The following NFRKB variants were observed in gnomAD, a reference collection of about 807,000 sequenced individuals.
The protein encoded by NFRKB is nuclear factor related to kappaB binding protein.
Under a neutral mutation model 135.7 loss-of-function variants are expected in NFRKB, and 62 were observed. The observed-to-expected ratio is 0.46, with a 90% CI of 0.37 to 0.56. The LOEUF (loss-of-function observed/expected upper bound fraction) is 0.56, where lower values mean the gene tolerates loss of function less well. Ranked by LOEUF, NFRKB falls within the 20% of genes least tolerant of loss-of-function variation. The probability of loss-of-function intolerance (pLI) is 0.00; values close to 1 mark genes in which losing one functional copy is unlikely to be tolerated. For missense variants in NFRKB, 1,545 were observed against 1,662.0 expected (o/e 0.93, Z 1.22); for synonymous variants, 678 against 635.6 (o/e 1.07, Z -1.00).
chr11:129,873,466 A>G (rs1948613436), intron 22 of NFRKB, among the ~76,000 whole-genome samples: 1 of 152,190 alleles, frequency 6.6e-6, no homozygotes, highest in Non-Finnish European at 1.5e-5. Flanking sequence ...GCAGACTCAC[A>G]AGGTCCGCAT....
intron 8 of NFRKB, among the ~76,000 whole-genome samples, chr11:129,883,728 T>C (rs1464411693): frequency 6.6e-6 from 1 of 152,192 alleles, no homozygotes; most frequent in Non-Finnish European, 1.5e-5. Context: ...CAGTAAAAAG[T>C]GGGACAAACC....
At chr11:129,883,786 AC>A (rs1949139095) in intron 8 of NFRKB, among the ~76,000 whole-genome samples, 1 of 152,144 alleles carries the variant, frequency 6.6e-6, no homozygotes, top group African/African-American at 2.4e-5. Flanking sequence ...AGGACCAAGG[AC>A]AAGCTCCCTA....
Position 129,888,643 on chromosome 11 carries a change from C to G in NFRKB, c.288G>C (p.Glu96Asp), listed in dbSNP as rs1399440086. The G allele has an allele frequency of 6.2e-7, 1 of 1,614,052 alleles. No individual in the cohort carries two copies. Among genetic ancestry groups the G allele is most frequent in the East Asian group, 2.2e-5 (1 of 44,892 alleles). Residue 96 changes from glutamate (E) to aspartate (D), a missense_variant, in exon 4 of 27, where the codon GAG becomes GAC. Glu to Asp is a conservative substitution (Grantham distance 45). Coordinates refer to ENST00000682444, the MANE Select transcript of NFRKB (RefSeq NM_001143835.2). ...NELILALFSG[E>D]NFRFGNPLHI... is the part of the protein sequence containing the mutation. The stretch of plus-strand genomic sequence containing the variant: ...GCAGAGGGTTTCCAAAGCGGAAGTT[C>G]TCCCCACTGAACAAGGCTAAGATGA...
At chr11:129,867,787 C>T (rs1218022239) in intron 24 of NFRKB, among the ~76,000 whole-genome samples, 1 of 152,152 alleles carries the variant, frequency 6.6e-6, no homozygotes, top group Non-Finnish European at 1.5e-5. Flanking sequence ...CATACACACC[C>T]CTCTTCTGAA....
At chr11:129,882,263 C>A in intron 10 of NFRKB, 69 bp from the exon 11 acceptor site, 1 of 1,427,128 alleles carries the variant, frequency 7.0e-7, no homozygotes, top group East Asian at 2.3e-5. Context: ...TTCAGGCGCC[C>A]AAGCCTCCTA....
Position 129,886,429 on chromosome 11 carries a change from G to T in NFRKB, c.353C>A (p.Pro118His). The T allele has an allele frequency of 6.2e-7, 1 of 1,613,674 alleles. No individual in the cohort carries two copies. Among genetic ancestry groups the T allele is most frequent in the African/African-American group, 1.3e-5 (1 of 74,930 alleles). The change falls in exon 5 of 27, where the codon CCC (proline) becomes CAC (histidine). Residue 118 changes from proline (P) to histidine (H), a missense_variant. Transcript: ENST00000682444. ...TAACTGCCGGTACTTGACCACCTCGGGGTTAAAGTGTCCGTCTTAAAAAAA... is the reference window on the plus strand; with the variant it reads ...TAACTGCCGGTACTTGACCACCTCGTGGTTAAAGTGTCCGTCTTAAAAAAA... ...QKLFRDGHFN[P>H]EVVKYRQLCF...
At chr11:129,871,017 G>A (rs925343503) in intron 23 of NFRKB, among the ~76,000 whole-genome samples, 10 of 152,120 alleles carry the variant, frequency 6.6e-5, no homozygotes, top group Admixed American at 1.3e-4. Flanking sequence ...TGGTATGTGC[G>A]AGAGACTGGT....
At chr11:129,876,940 G>C in intron 16 of NFRKB, 45 bp from the exon 17 acceptor site, 3 of 1,570,826 alleles carry the variant, frequency 1.9e-6, no homozygotes, top group Non-Finnish European at 2.6e-6. Context: ...GAATTAGTGG[G>C]GTTCTCTCTC....
chr11:129,869,897 T>C lies in NFRKB; in HGVS notation c.3128A>G (p.Lys1043Arg), dbSNP rs140959296. ...TGTTGGCTTGAGGTCAGGAGTCACTTTGACCACAGTGGTACCTGTTGGAGT... is the reference window on the plus strand; with the variant it reads ...TGTTGGCTTGAGGTCAGGAGTCACTCTGACCACAGTGGTACCTGTTGGAGT... ...SSTPTGTTVVKVTPDLKPTEA... is the reference protein window; with the variant it reads ...SSTPTGTTVVRVTPDLKPTEA... The change falls in exon 24 of 27, where the codon AAA (lysine) becomes AGA (arginine). Residue 1043 changes from lysine to arginine, a missense_variant. Physicochemically the swap from Lys to Arg is conservative, Grantham distance 26. This residue lies in a region of NFRKB where 753 missense variants were observed against 804.3 expected (regional missense o/e 0.94). Coordinates refer to ENST00000682444, the MANE Select transcript of NFRKB (RefSeq NM_001143835.2). The C allele has an allele frequency of 1.4e-4, 231 of 1,614,256 alleles. No individual in the cohort carries two copies. In the African/African-American group the frequency reaches 2.5e-3, roughly 18 times the overall value.
chr11:129,884,687 G>A, intron 7 of NFRKB, 58 bp downstream of exon 7: 1 of 1,598,204 alleles, frequency 6.3e-7, no homozygotes, highest in Non-Finnish European at 8.6e-7. Flanking sequence ...CTCTAAAGGA[G>A]TTTTCAGGTC....
Position 129,874,635 on chromosome 11 carries a change from G to C in NFRKB, c.1979-55C>G. On this transcript the variant is annotated intron_variant, in intron 19 of 26. Transcript: ENST00000682444. This position sits in a 1 kb window ranked among gnomAD's most constrained non-coding sequence, Gnocchi z 4.5. ...GAGTTTAACCTTAGCAAACTAAAAA[G>C]AGGGGCTTTGTTAAAAACCAACACC... 6.2e-7 allele frequency: 1 copy of C among 1,607,568 alleles called. No homozygotes were observed. The highest frequency in any genetic ancestry group is 8.5e-7 in the Non-Finnish European group (1 of 1,176,770).
intron 9 of NFRKB, 28 bp downstream of exon 9, chr11:129,883,094 A>C: frequency 6.2e-7 from 1 of 1,604,366 alleles, no homozygotes; most frequent in Non-Finnish European, 8.5e-7. Flanking sequence ...AGTCAGATGA[A>C]GGCTCCTAGA....
In NFRKB at chr11:129,874,615, T is replaced by C; in HGVS notation, c.1979-35A>G. 6.2e-7 allele frequency: 1 copy of C among 1,610,646 alleles called. No individual in the cohort carries two copies. Among genetic ancestry groups the C allele is most frequent in the Non-Finnish European group, 8.5e-7 (1 of 1,178,686 alleles). The stretch of plus-strand genomic sequence containing the variant: ...AGAGGGGCAAGCTTCAGCCAGAGTT[T>C]AACCTTAGCAAACTAAAAAGAGGGG... On this transcript the variant is annotated intron_variant, in intron 19 of 26. Coordinates refer to ENST00000682444, the MANE Select transcript of NFRKB (RefSeq NM_001143835.2). The surrounding 1 kb of genome is among the most constrained non-coding windows in gnomAD (Gnocchi z 4.5).
In NFRKB at chr11:129,882,537, G is replaced by C; in HGVS notation, c.996C>G (p.Asp332Glu). Residue 332 changes from aspartate (D) to glutamate (E), a missense_variant, in exon 10 of 27, where the codon GAC becomes GAG. Asp to Glu is a conservative substitution (Grantham distance 45). This residue lies in a region of NFRKB where 678 missense variants were observed against 646.7 expected (regional missense o/e 1.05). Coordinates refer to ENST00000682444, the MANE Select transcript of NFRKB (RefSeq NM_001143835.2). ...KIKTIKSEAE[D>E]LAEPLSSTEG... ...CAGTACTGCTTAGCGGCTCGGCCAG[G>C]TCCTCTGCCTCTGATTTGATCGTTT... The C allele has an allele frequency of 6.2e-7, 1 of 1,614,050 alleles. No homozygotes were observed. Among genetic ancestry groups the C allele is most frequent in the East Asian group, 2.2e-5 (1 of 44,886 alleles).
chr11:129,868,539 C>T (rs952848273), intron 24 of NFRKB, among the ~76,000 whole-genome samples: 27 of 152,152 alleles, frequency 1.8e-4, no homozygotes, highest in African/African-American at 6.5e-4. Flanking sequence ...TCTCCATGTG[C>T]GCACCCCCAA....
At position 129,893,194 on chromosome 11, in the gene NFRKB, C is replaced by A. The variant is rs183595483; in HGVS notation, c.-21-324G>T. 1.0e-3 allele frequency: 705 copies of A among 690,062 alleles called. 7 individuals carry two copies. The African/African-American group carries it at 0.012, about 12-fold the overall frequency. 42.7% of individuals were successfully genotyped at this position (690,062 alleles called of 1,614,324 possible). On this transcript the variant is annotated intron_variant, in intron 2 of 26. Coordinates refer to ENST00000682444, the MANE Select transcript of NFRKB (RefSeq NM_001143835.2). ...AACAGATCACAATCTATAATTTACA[C>A]TTCCCAGACCAATAATCACTCTCCC...
chr11:129,892,038 C>G (rs76413445), intron 3 of NFRKB, among the ~76,000 whole-genome samples: 1,989 of 145,768 alleles, frequency 0.014, 45 homozygotes, highest in African/African-American at 0.049. Flanking sequence ...TCCATAATTT[C>G]TTCCTTTTTT....
chr11:129,888,819 CA>C, intron 3 of NFRKB, 24 bp from the exon 4 acceptor site: 1 of 1,593,760 alleles, frequency 6.3e-7, no homozygotes, highest in Non-Finnish European at 8.6e-7. Context: ...GAAAAGTAAA[CA>C]AAAGTAAAAT....
Position 129,875,504 on chromosome 11 carries a change from G to C in NFRKB, c.1748-41C>G. ...AGCACACAGTCCACAAGTCAGGCAG[G>C]GTTCCTACGGAGGTACAATCTCCTG... On this transcript the variant is annotated intron_variant, in intron 17 of 26. Transcript: ENST00000682444. 2.7e-6 allele frequency: 4 copies of C among 1,499,864 alleles called. No homozygotes were observed. The South Asian group carries it at 4.8e-5, about 18-fold the overall frequency. The allele number at this position is 1,499,864 out of a possible 1,614,324, so 92.9% of individuals were successfully genotyped here.
Sources: allele counts gnomAD v4.1 joint callset (sites outside exome capture counted in the v4.1 genomes callset), GRCh38; gene constraint gnomAD v4.1.1; regional missense constraint gnomAD v4.1.1; non-coding constraint Gnocchi (gnomAD v3.1); transcripts MANE v1.5; gene names NCBI Gene and HGNC (gene_info 2026-07-23, HGNC 2026-07-21).